The following URI1 variants were observed in gnomAD, a reference collection of about 807,000 sequenced individuals.
The protein encoded by URI1 is URI1 prefoldin like chaperone, also known as unconventional prefoldin RPB5 interactor 1.
URI1 carries 39 observed loss-of-function variants against 60.2 expected under a neutral mutation model. The ratio of observed to expected loss-of-function variants is 0.65; its 90% CI spans 0.50 to 0.85. The LOEUF (loss-of-function observed/expected upper bound fraction) is 0.85. Among genes scored for constraint, URI1 ranks in the 40% least tolerant of loss-of-function variants. The pLI is 0.00. For missense variants in URI1, 691 were observed against 665.9 expected (o/e 1.04, Z -0.42); for synonymous variants, 251 against 236.8 (o/e 1.06, Z -0.55).
At chr19:29,936,081 C>T (rs779725091) in intron 1 of URI1, among the ~76,000 whole-genome samples, 22 of 151,754 alleles carry the variant, frequency 1.4e-4, no homozygotes, top group African/African-American at 3.6e-4. Flanking sequence ...CCACTGTGCC[C>T]GGCACTTAAA....
intron 4 of URI1, among the ~76,000 whole-genome samples, chr19:30,005,060 T>C (rs2055923013): frequency 6.6e-6 from 1 of 152,032 alleles, no homozygotes; most frequent in Non-Finnish European, 1.5e-5. Flanking sequence ...ATGATCCAAC[T>C]AGATATTTAT....
chr19:29,952,061 A>G (rs923738058), intron 1 of URI1, among the ~76,000 whole-genome samples: 1 of 152,250 alleles, frequency 6.6e-6, no homozygotes, highest in Non-Finnish European at 1.5e-5. Context: ...AAGGAAATAT[A>G]TTAACCTTCA....
intron 4 of URI1, 101 bp downstream of exon 4, chr19:29,986,518 C>A: frequency 1.4e-6 from 2 of 1,393,686 alleles, no homozygotes; most frequent in Non-Finnish European, 1.9e-6. Flanking sequence ...CTTCCGTGAT[C>A]TATGAATCCA....
chr19:30,008,642 AGT>A (rs986190060), intron 7 of URI1, among the ~76,000 whole-genome samples: 38 of 152,178 alleles, frequency 2.5e-4, no homozygotes, highest in African/African-American at 8.4e-4. Context: ...GTAGAAAATA[AGT>A]GTGTATTATG....
At chr19:29,995,197 G>C (rs889024813) in intron 4 of URI1, among the ~76,000 whole-genome samples, 13 of 151,976 alleles carry the variant, frequency 8.6e-5, no homozygotes, top group Admixed American at 5.2e-4. Flanking sequence ...GTCAACACTT[G>C]TTACTATATT....
chr19:29,972,842 T>C (rs2055476098), intron 2 of URI1, among the ~76,000 whole-genome samples: 1 of 152,182 alleles, frequency 6.6e-6, no homozygotes, highest in African/African-American at 2.4e-5. Flanking sequence ...TTTTCAGTTT[T>C]GTAAAACCCT....
chr19:29,952,050 T>A (rs538245889), intron 1 of URI1, among the ~76,000 whole-genome samples: 1 of 152,324 alleles, frequency 6.6e-6, no homozygotes, highest in Non-Finnish European at 1.5e-5. Flanking sequence ...CAGACAGTAC[T>A]AAGGAAATAT....
intron 1 of URI1, among the ~76,000 whole-genome samples, chr19:29,953,691 G>GT (rs71333422): frequency 0.79 from 116,923 of 147,214 alleles, 46,902 homozygotes; most frequent in Non-Finnish European, 0.85. Flanking sequence ...TTTCTTATTA[G>GT]TTTTTTTTTT....
intron 1 of URI1, among the ~76,000 whole-genome samples, chr19:29,950,909 A>T (rs566732412): frequency 1.3e-5 from 2 of 152,190 alleles, no homozygotes; most frequent in Non-Finnish European, 2.9e-5. Context: ...TTCTTGTAGA[A>T]CGTCCCACAA....
chr19:29,985,458 G>A (rs1050935462), intron 3 of URI1, among the ~76,000 whole-genome samples, 157 bp downstream of exon 3: 5 of 152,034 alleles, frequency 3.3e-5, no homozygotes, highest in Non-Finnish European at 7.4e-5. Flanking sequence ...CACAGTAATT[G>A]TAGTAATTGT....
At chr19:29,968,979 A>G (rs1044780176) in intron 1 of URI1, among the ~76,000 whole-genome samples, 1 of 152,130 alleles carries the variant, frequency 6.6e-6, no homozygotes, top group East Asian at 1.9e-4. Flanking sequence ...CTTTTCTGCA[A>G]GTAGGTGGAC....
In URI1 at chr19:29,981,176, G is replaced by A. The variant is rs752520990; in HGVS notation, c.153-4047G>A. On this transcript the variant is annotated intron_variant, in intron 2 of 10. Coordinates refer to ENST00000392271, the MANE Select transcript of URI1 (RefSeq NM_003796.3). ...ATGTTGATCCCTTTCATATTTCCTC[G>A]TCCCTTTAAAAATATTCTATTATGA... 5.3e-5 allele frequency among the ~76,000 whole-genome samples: 8 copies of A among 149,956 alleles called. No individual in the cohort carries two copies. In the South Asian group the frequency reaches 1.0e-3, roughly 20 times the overall value.
chr19:29,955,584 G>T (rs1275631022), intron 1 of URI1, among the ~76,000 whole-genome samples: 2 of 152,026 alleles, frequency 1.3e-5, no homozygotes, highest in Non-Finnish European at 2.9e-5. Flanking sequence ...TATTATATCT[G>T]AAAACTAGGA....
intron 1 of URI1, 145 bp downstream of exon 1, chr19:29,942,809 G>T: frequency 9.3e-7 from 1 of 1,076,306 alleles, no homozygotes; most frequent in East Asian, 3.6e-5. Context: ...TGCTTCTGTT[G>T]TCTTTGTCTG....
intron 1 of URI1, among the ~76,000 whole-genome samples, chr19:29,970,530 A>G (rs987805742): frequency 1.3e-5 from 2 of 152,098 alleles, no homozygotes; most frequent in African/African-American, 4.8e-5. Context: ...CAAGGAAAAC[A>G]AATAACTTTT....
rs2055158942 is a variant in URI1, at chr19:29,949,945, G to T, written c.117+7281G>T. Among the ~76,000 whole-genome samples the T allele has an allele frequency of 1.3e-5, 2 of 151,008 alleles. 1 individual carries two copies. The highest frequency in any genetic ancestry group is 4.9e-5 in the African/African-American group (2 of 40,918). ...CTGTGGGGAGACGGGAGGGGGAGGG[G>T]GAGGGAGAGGTTACTTATTTTTTAA... On this transcript the variant is annotated intron_variant, in intron 1 of 10. Coordinates refer to ENST00000392271, the MANE Select transcript of URI1 (RefSeq NM_003796.3).
At chr19:29,977,558 C>CTTTTTTTTTTTT (rs749382980) in intron 2 of URI1, among the ~76,000 whole-genome samples, 1 of 112,588 alleles carries the variant, frequency 8.9e-6, no homozygotes, top group African/African-American at 3.3e-5. Context: ...GTTATTTTTT[C>CTTTTTTTTTTTT]TTTTTTTTTT....
chr19:29,942,160 G>A, upstream of URI1: 1 of 964,036 alleles, frequency 1.0e-6, no homozygotes, highest in Non-Finnish European at 1.2e-6. Flanking sequence ...CACTCCCCTG[G>A]GGGCGGGGCC....
chr19:29,969,046 A>G (rs2055426230), intron 1 of URI1, among the ~76,000 whole-genome samples: 1 of 152,090 alleles, frequency 6.6e-6, no homozygotes, highest in African/African-American at 2.4e-5. Flanking sequence ...TAGTCTATAT[A>G]TTTTTATATC....
Sources: allele counts gnomAD v4.1 joint callset (sites outside exome capture counted in the v4.1 genomes callset), GRCh38; gene constraint gnomAD v4.1.1; transcripts MANE v1.5; gene names NCBI Gene and HGNC (gene_info 2026-07-23, HGNC 2026-07-21).